DYM: variants seen among roughly 807,000 people sequenced by gnomAD.
DYM encodes dymeclin.
In DYM, 78 loss-of-function variants were observed where a neutral mutation model predicts 93.1. The observed-to-expected ratio is 0.84, with a 90% CI of 0.70 to 1.01. The LOEUF is 1.01. Among genes scored for constraint, DYM ranks in the 50% least tolerant of loss-of-function variants. The probability of loss-of-function intolerance (pLI) is 0.00; values close to 1 mark genes in which losing one functional copy is unlikely to be tolerated. For missense variants in DYM, 789 were observed against 845.0 expected (o/e 0.93, Z 0.82); for synonymous variants, 321 against 319.7 (o/e 1.00, Z -0.04).
At chr18:49,066,961 A>G (rs1464294777) in intron 17 of DYM, among the ~76,000 whole-genome samples, 1 of 152,242 alleles carries the variant, frequency 6.6e-6, no homozygotes, top group Non-Finnish European at 1.5e-5. Flanking sequence ...CTGGGGATAT[A>G]AAAAGGCAGA....
At chr18:49,376,215 A>G (rs1373711196) in intron 5 of DYM, among the ~76,000 whole-genome samples, 3 of 152,312 alleles carry the variant, frequency 2.0e-5, no homozygotes, top group Non-Finnish European at 4.4e-5. Flanking sequence ...TTCAAAGAAA[A>G]GTAGAACATA....
At chr18:49,212,961 C>T (rs994683317) in intron 13 of DYM, among the ~76,000 whole-genome samples, 1 of 152,092 alleles carries the variant, frequency 6.6e-6, no homozygotes, top group African/African-American at 2.4e-5. Context: ...GGGAAGGAGG[C>T]AAATGTGGTC....
chr18:49,370,102 C>A (rs1179856661), intron 5 of DYM, among the ~76,000 whole-genome samples: 1 of 151,678 alleles, frequency 6.6e-6, no homozygotes, highest in African/African-American at 2.4e-5. Context: ...CACGGTGAAA[C>A]CCCCGTCTCT....
chr18:49,392,681 T>TAAAAAAAAAAAAAAAA (rs869086187), intron 2 of DYM, among the ~76,000 whole-genome samples: 1 of 68,470 alleles, frequency 1.5e-5, no homozygotes, highest in African/African-American at 6.7e-5. Context: ...GGCTTTTATT[T>TAAAAAAAAAAAAAAAA]AAAAAAAAAA....
At chr18:49,426,988 C>A (rs2074359883) in intron 2 of DYM, among the ~76,000 whole-genome samples, 1 of 152,040 alleles carries the variant, frequency 6.6e-6, no homozygotes, top group Non-Finnish European at 1.5e-5. Context: ...ATAAAGTCCT[C>A]TTTACAGAAG....
chr18:49,200,372 AGTT>A, intron 14 of DYM, among the ~76,000 whole-genome samples: 1 of 151,962 alleles, frequency 6.6e-6, no homozygotes. Context: ...ATTTTTATGT[AGTT>A]GTTTTAATAG....
rs367665917 is a variant in DYM at position 49,256,837 on chromosome 18, G to T, written c.1460+173C>A. On this transcript the variant is annotated intron_variant, in intron 13 of 17. Coordinates refer to ENST00000675505, the MANE Select transcript of DYM (RefSeq NM_001353214.3). ...ACAATTAACTTTGATCAAAAAGTTAGGTTAGAAAACAAAATGGAACGAGCT... is the reference window on the plus strand; with the variant it reads ...ACAATTAACTTTGATCAAAAAGTTATGTTAGAAAACAAAATGGAACGAGCT... Among the ~76,000 whole-genome samples, 37 of 152,192 alleles carry T rather than the reference G, an allele frequency of 2.4e-4. 1 individual carries two copies. The South Asian group carries it at 7.5e-3, about 31-fold the overall frequency.
chr18:49,122,552 C>T (rs897166021), intron 15 of DYM, among the ~76,000 whole-genome samples: 6 of 152,156 alleles, frequency 3.9e-5, no homozygotes, highest in Admixed American at 2.0e-4. Flanking sequence ...GCTGCAAATA[C>T]AGATTAACAA....
At chr18:49,266,840 C>G (rs1324416759) in intron 11 of DYM, among the ~76,000 whole-genome samples, 2 of 152,052 alleles carry the variant, frequency 1.3e-5, no homozygotes, top group African/African-American at 4.8e-5. Context: ...TCTAGCATTA[C>G]TCTCCTGTGC....
At chr18:49,247,300 G>T (rs1480857600) in intron 13 of DYM, among the ~76,000 whole-genome samples, 1 of 152,136 alleles carries the variant, frequency 6.6e-6, no homozygotes, top group Non-Finnish European at 1.5e-5. Context: ...TACTACTGCT[G>T]CGAGTAATAA....
intron 13 of DYM, among the ~76,000 whole-genome samples, chr18:49,213,653 TA>T (rs1335947732): frequency 6.6e-6 from 1 of 152,072 alleles, no homozygotes; most frequent in African/African-American, 2.4e-5. Flanking sequence ...TTAAAGAACT[TA>T]AAAAAATGAG....
rs79472447 is a variant in DYM at position 49,458,412 on chromosome 18, A to G, written c.-54+1986T>C. Among the ~76,000 whole-genome samples the G allele has an allele frequency of 3.9e-3, 599 of 152,300 alleles. 4 individuals carry two copies. The highest frequency in any genetic ancestry group is 0.014 in the African/African-American group (582 of 41,552). On this transcript the variant is annotated intron_variant, in intron 1 of 17. Transcript: ENST00000675505. ...AATTATGCCACATTTTTCAGAGTCA[A>G]ACATAAAAGCGTTTGCACTGTTTAT...
chr18:49,278,992 C>T (rs1484441840), intron 10 of DYM, among the ~76,000 whole-genome samples: 1 of 152,098 alleles, frequency 6.6e-6, no homozygotes, highest in Non-Finnish European at 1.5e-5. Flanking sequence ...GTTCATGTCC[C>T]TAATGGGTTT....
At chr18:49,212,928 G>T (rs1409405163) in intron 13 of DYM, among the ~76,000 whole-genome samples, 1 of 152,102 alleles carries the variant, frequency 6.6e-6, no homozygotes, top group Non-Finnish European at 1.5e-5. Flanking sequence ...TTACAGCTTG[G>T]GACATCAGAA....
At chr18:49,432,143 C>T (rs1229593525) in intron 1 of DYM, among the ~76,000 whole-genome samples, 7 of 151,994 alleles carry the variant, frequency 4.6e-5, no homozygotes, top group African/African-American at 1.7e-4. Context: ...GAGGCCAAGG[C>T]GGGCAGATCA....
At chr18:49,226,084 C>T (rs2093517422) in intron 13 of DYM, among the ~76,000 whole-genome samples, 1 of 152,040 alleles carries the variant, frequency 6.6e-6, no homozygotes, top group Non-Finnish European at 1.5e-5. Flanking sequence ...AAAGTAAATG[C>T]ACAGATTATC....
intron 17 of DYM, among the ~76,000 whole-genome samples, chr18:49,075,546 C>A (rs952786564): frequency 6.6e-6 from 1 of 151,946 alleles, no homozygotes; most frequent in Non-Finnish European, 1.5e-5. Context: ...AACAGGGAAT[C>A]GATGGCAGAG....
In DYM at chr18:49,054,334, C is replaced by T. The variant is rs538473924; in HGVS notation, c.2026-10130G>A. Among the ~76,000 whole-genome samples, 756 of 152,198 alleles carry T rather than the reference C, an allele frequency of 5.0e-3. 2 individuals are homozygous for T. The highest frequency in any genetic ancestry group is 8.1e-3 in the Non-Finnish European group (551 of 67,994). On this transcript the variant is annotated intron_variant, in intron 17 of 17. Transcript: ENST00000675505. ...TCGGCTCACTGCAACCTCTGCCTCC[C>T]GGGTTTAAGTGATTCTCCTGCCTCA...
At chr18:49,309,333 T>C (rs374004993) in intron 8 of DYM, among the ~76,000 whole-genome samples, 1 of 152,174 alleles carries the variant, frequency 6.6e-6, no homozygotes, top group South Asian at 2.1e-4. Flanking sequence ...TGTTTGTTTG[T>C]TTTTTTAACT....
Sources: allele counts gnomAD v4.1 joint callset (sites outside exome capture counted in the v4.1 genomes callset), GRCh38; gene constraint gnomAD v4.1.1; transcripts MANE v1.5; gene names NCBI Gene and HGNC (gene_info 2026-07-23, HGNC 2026-07-21).